The following LHFPL3 variants were observed in gnomAD, a reference collection of about 807,000 sequenced individuals.
LHFPL3 encodes LHFPL tetraspan subfamily member 3 protein.
In LHFPL3, 5 loss-of-function variants were observed where a neutral mutation model predicts 19.3. The ratio of observed to expected loss-of-function variants is 0.26; its 90% confidence interval spans 0.14 to 0.54. LHFPL3 has a LOEUF of 0.54. LHFPL3 is among the 20% of genes least tolerant of loss of function. The pLI, the probability that LHFPL3 is intolerant of heterozygous loss-of-function variation, is 0.94. For missense variants in LHFPL3, 249 were observed against 307.4 expected, an observed-to-expected ratio of 0.81 and a Z score of 1.42; for synonymous variants, 133 against 126.2, an observed-to-expected ratio of 1.05 and a Z score of -0.36.
At chr7:104,510,645 G>A (rs1793791284) in intron 1 of LHFPL3, among the ~76,000 whole-genome samples, 1 of 151,610 alleles carries the variant, frequency 6.6e-6, no homozygotes, top group Non-Finnish European at 1.5e-5. Flanking sequence ...TCCTAGACTT[G>A]ACATAAAAAA....
intron 1 of LHFPL3, among the ~76,000 whole-genome samples, chr7:104,492,722 T>C (rs576901413): frequency 3.9e-5 from 6 of 152,392 alleles, no homozygotes; most frequent in African/African-American, 1.4e-4. Flanking sequence ...ATTTGTCTTA[T>C]AACAGTCCTC....
chr7:104,424,338 C>T (rs548571117), intron 1 of LHFPL3, among the ~76,000 whole-genome samples: 10 of 152,280 alleles, frequency 6.6e-5, no homozygotes, highest in African/African-American at 2.4e-4. Context: ...AGAAGTGCGG[C>T]TGTACGAAGG....
intron 1 of LHFPL3, among the ~76,000 whole-genome samples, chr7:104,611,405 T>G (rs533969281): frequency 6.6e-6 from 1 of 152,160 alleles, no homozygotes. Context: ...ACAGGCCACG[T>G]GGGGAGGGAT....
chr7:104,781,103 G>C (rs986253171), intron 2 of LHFPL3, among the ~76,000 whole-genome samples: 1 of 151,398 alleles, frequency 6.6e-6, no homozygotes. Context: ...ATATCAGAGG[G>C]AAAAAAAAAT....
chr7:104,703,424 C>G (rs1793136836), intron 1 of LHFPL3, among the ~76,000 whole-genome samples: 2 of 152,210 alleles, frequency 1.3e-5, no homozygotes, highest in African/African-American at 4.8e-5. Flanking sequence ...AATTTTGCCT[C>G]AGTCTGCTAT....
chr7:104,690,365 A>G (rs1205068107), intron 1 of LHFPL3, among the ~76,000 whole-genome samples: 5 of 152,276 alleles, frequency 3.3e-5, no homozygotes. Context: ...TGGCAAGGCC[A>G]GCAATATACC....
At chr7:104,347,057 G>T (rs555602350) in intron 1 of LHFPL3, among the ~76,000 whole-genome samples, 31 of 151,648 alleles carry the variant, frequency 2.0e-4, no homozygotes, top group Admixed American at 4.0e-4. Flanking sequence ...TCTGTAAAAT[G>T]AGGATTAAAA....
At chr7:104,498,844 A>G (rs978040946) in intron 1 of LHFPL3, among the ~76,000 whole-genome samples, 2 of 152,232 alleles carry the variant, frequency 1.3e-5, no homozygotes, top group African/African-American at 4.8e-5. Flanking sequence ...GCCAGCTCTC[A>G]GGACACAGAT....
rs994014231 is a variant in LHFPL3 at position 104,392,973 on chromosome 7, G to A, written c.445+63749G>A. Among the ~76,000 whole-genome samples the A allele has an allele frequency of 7.9e-5, 12 of 152,140 alleles. 1 individual carries two copies. The highest frequency in any genetic ancestry group is 9.6e-5 in the African/African-American group (4 of 41,522). On this transcript the variant is annotated intron_variant, in intron 1 of 2. Coordinates refer to ENST00000424859, the MANE Select transcript of LHFPL3 (RefSeq NM_199000.3). Reference sequence around the variant, plus strand: ...CTTCTAGATTTTCTAATTTATTTGCGTAGAAGTAACAACCCAATTTAAAAA... The same window carrying A: ...CTTCTAGATTTTCTAATTTATTTGCATAGAAGTAACAACCCAATTTAAAAA...
chr7:104,672,425 A>T (rs1792502366), intron 1 of LHFPL3, among the ~76,000 whole-genome samples: 2 of 152,140 alleles, frequency 1.3e-5, no homozygotes, highest in African/African-American at 2.4e-5. Context: ...AGTTCCTCGC[A>T]CAGTGAATGT....
chr7:104,367,877 C>T (rs1790526570), intron 1 of LHFPL3, among the ~76,000 whole-genome samples: 1 of 152,210 alleles, frequency 6.6e-6, no homozygotes, highest in Non-Finnish European at 1.5e-5. Context: ...AATTACATCT[C>T]TGTAATGGTT....
At chr7:104,457,326 G>T (rs1201319459) in intron 1 of LHFPL3, among the ~76,000 whole-genome samples, 1 of 148,374 alleles carries the variant, frequency 6.7e-6, no homozygotes, top group Non-Finnish European at 1.5e-5. Flanking sequence ...GTGTCCATGT[G>T]TTCTCGTTGT....
intron 1 of LHFPL3, among the ~76,000 whole-genome samples, chr7:104,390,096 TATC>T (rs1327782280): frequency 1.3e-5 from 2 of 151,432 alleles, no homozygotes; most frequent in African/African-American, 2.4e-5. Flanking sequence ...TGAGAGAAAA[TATC>T]ATATATCTGT....
intron 1 of LHFPL3, among the ~76,000 whole-genome samples, chr7:104,476,929 T>C (rs1257516571): frequency 2.0e-5 from 3 of 152,204 alleles, no homozygotes; most frequent in Non-Finnish European, 2.9e-5. Context: ...TGAGGAGTTA[T>C]TGTTGATCTG....
intron 1 of LHFPL3, among the ~76,000 whole-genome samples, chr7:104,398,848 C>CA (rs140663776): frequency 0.058 from 6,304 of 108,730 alleles, 452 homozygotes; most frequent in African/African-American, 0.19. Context: ...ATGCCCGCCC[C>CA]CCGGCCCTGA....
At chr7:104,426,674 G>A (rs1791852977) in intron 1 of LHFPL3, among the ~76,000 whole-genome samples, 1 of 152,160 alleles carries the variant, frequency 6.6e-6, no homozygotes, top group African/African-American at 2.4e-5. Context: ...TTGTGCCAGG[G>A]TTAACTTTGT....
intron 1 of LHFPL3, among the ~76,000 whole-genome samples, chr7:104,349,656 G>T (rs976393348): frequency 6.6e-6 from 1 of 152,202 alleles, no homozygotes; most frequent in Non-Finnish European, 1.5e-5. Context: ...AACCACCATA[G>T]CACGTGTATA....
intron 1 of LHFPL3, among the ~76,000 whole-genome samples, chr7:104,332,964 C>A (rs1440303401): frequency 6.8e-6 from 1 of 147,574 alleles, no homozygotes; most frequent in African/African-American, 2.5e-5. Context: ...AAAAAAGAGG[C>A]TTTCTGTGTG....
chr7:104,868,611 G>A (rs971050304), intron 2 of LHFPL3, among the ~76,000 whole-genome samples: 4 of 152,140 alleles, frequency 2.6e-5, no homozygotes, highest in Admixed American at 2.0e-4. Context: ...CCATGCTCAT[G>A]GGTAGGAAGA....
Sources: gnomAD v4.1 joint callset for allele counts (sites outside exome capture counted in the v4.1 genomes callset) on GRCh38, gnomAD v4.1.1 for gene constraint, MANE v1.5 for transcripts, NCBI Gene and HGNC (gene_info 2026-07-23, HGNC 2026-07-21) for gene names.